The following TGM3 variants were observed in gnomAD, a reference collection of about 807,000 sequenced individuals.
TGM3 encodes transglutaminase 3, also known as protein-glutamine gamma-glutamyltransferase E.
Under a neutral mutation model 73.8 loss-of-function variants are expected in TGM3, and 52 were observed. The observed-to-expected ratio is 0.70, with a 90% CI of 0.56 to 0.89. TGM3 has a LOEUF of 0.89. TGM3 is among the 40% of genes least tolerant of loss of function. The pLI is 0.00. For synonymous variants in TGM3, 372 were observed against 354.9 expected, an observed-to-expected ratio of 1.05 and a Z score of -0.54; for missense variants, 928 against 909.9, an observed-to-expected ratio of 1.02 and a Z score of -0.26.
intron 1 of TGM3, among the ~76,000 whole-genome samples, chr20:2,308,852 G>A (rs1013269239): frequency 4.6e-5 from 7 of 151,210 alleles, no homozygotes; most frequent in Non-Finnish European, 1.0e-4. Flanking sequence ...CGGTGATGGG[G>A]GTGAGAGAGG....
chr20:2,340,023 C>CGGGGGGGGGG, intron 12 of TGM3, 36 bp downstream of exon 12: 2 of 120,860 alleles, frequency 1.7e-5, no homozygotes, highest in South Asian at 5.0e-5. Context: ...TGCAGGAGGG[C>CGGGGGGGGGG]GGGAGGGGGC....
Position 2,296,085 on chromosome 20 carries a change from T to A in TGM3, c.7+15T>A. 2 of 1,550,446 alleles carry A rather than the reference T, an allele frequency of 1.3e-6. No homozygotes were observed. The highest frequency in any genetic ancestry group is 2.4e-5 in the South Asian group (2 of 84,012). On this transcript the variant is annotated intron_variant, in intron 1 of 12. Transcript: ENST00000381458. ...AAACATGGCTGGTGAGTGCATGGCATCTTCTCCATCAGGTCCTTGCCAGAA... is the reference window on the plus strand; with the variant it reads ...AAACATGGCTGGTGAGTGCATGGCAACTTCTCCATCAGGTCCTTGCCAGAA...
In TGM3 at chr20:2,312,954, C is replaced by T; in HGVS notation, c.597C>T (p.Phe199=). The change falls in exon 5 of 13, where the codon TTC becomes TTT. Residue 199 remains phenylalanine (F), a synonymous_variant. Coordinates refer to ENST00000381458, the MANE Select transcript of TGM3 (RefSeq NM_003245.4). ...CLSILDRSLN[F]RRDAATDVAS... Reference sequence around the variant, plus strand: ...CAATCTTGGATAGGAGTCTGAATTTCCGCCGTGACGCTGCTACTGATGTGG... The same window carrying T: ...CAATCTTGGATAGGAGTCTGAATTTTCGCCGTGACGCTGCTACTGATGTGG... 6.2e-7 allele frequency: 1 copy of T among 1,614,178 alleles called. No homozygotes were observed. Among genetic ancestry groups the T allele is most frequent in the African/African-American group, 1.3e-5 (1 of 75,034 alleles).
intron 5 of TGM3, among the ~76,000 whole-genome samples, chr20:2,313,875 A>T (rs2084220064): frequency 6.6e-6 from 1 of 152,112 alleles, no homozygotes; most frequent in South Asian, 2.1e-4. Context: ...CAGAAATTAA[A>T]AAAAAACTAG....
intron 1 of TGM3, among the ~76,000 whole-genome samples, chr20:2,304,247 A>G (rs913435714): frequency 2.6e-5 from 4 of 152,082 alleles, no homozygotes; most frequent in Admixed American, 2.6e-4. Flanking sequence ...GGATCATTGG[A>G]TCCTTGAATT....
chr20:2,338,847 G>A (rs2084365015), intron 11 of TGM3, among the ~76,000 whole-genome samples: 1 of 152,258 alleles, frequency 6.6e-6, no homozygotes. Flanking sequence ...CCTTCTGGGA[G>A]GGAAGAGATG....
Position 2,325,935 on chromosome 20 carries a change from C to G in TGM3, c.1070C>G (p.Pro357Arg). 6.3e-7 allele frequency: 1 copy of G among 1,594,060 alleles called. No individual in the cohort carries two copies. The highest frequency in any genetic ancestry group is 8.6e-7 in the Non-Finnish European group (1 of 1,169,114). ...GGATGGCAGGTGTTGGATGCTACCC[C>G]GCAGGAAAGAAGCCAAGGTAACTTC... is the stretch of plus-strand genomic sequence containing the variant. ...YGGWQVLDAT[P>R]QERSQGVFQC... The change falls in exon 8 of 13, where the codon CCG (proline) becomes CGG (arginine). Residue 357 changes from proline (P) to arginine (R), a missense_variant. Transcript: ENST00000381458.
At chr20:2,319,060 T>G (rs547766219) in intron 7 of TGM3, among the ~76,000 whole-genome samples, 1 of 152,366 alleles carries the variant, frequency 6.6e-6, no homozygotes, top group South Asian at 2.1e-4. Flanking sequence ...TCTCTAATGA[T>G]ATTGCTTACT....
chr20:2,340,073 C>T (rs1250641801), intron 12 of TGM3, 86 bp downstream of exon 12: 1 of 1,479,580 alleles, frequency 6.8e-7, no homozygotes, highest in South Asian at 1.2e-5. Context: ...ACAGACAGAG[C>T]TCCCTCTGAC....
intron 11 of TGM3, among the ~76,000 whole-genome samples, chr20:2,338,571 A>G (rs1310589256): frequency 6.6e-6 from 1 of 152,238 alleles, no homozygotes; most frequent in East Asian, 1.9e-4. Context: ...TTGCAGACCT[A>G]TCAGAAACAG....
intron 1 of TGM3, among the ~76,000 whole-genome samples, chr20:2,296,976 G>A (rs970676700): frequency 1.3e-5 from 2 of 152,214 alleles, no homozygotes; most frequent in African/African-American, 2.4e-5. Context: ...GCAAATGCTG[G>A]CTACTTCAGA....
chr20:2,317,472 A>G lies in TGM3; in HGVS notation c.970A>G (p.Ser324Gly), dbSNP rs1402136232. The G allele has an allele frequency of 6.2e-7, 1 of 1,614,234 alleles. No homozygotes were observed. The highest frequency in any genetic ancestry group is 2.2e-5 in the East Asian group (1 of 44,882). ...CATGGGAAACCCCCTGGACAAGGGT[A>G]GTGATAGCGTATGGTAAGTATCTCA... ...DPMGNPLDKGSDSVWNFHVWN... is the reference protein window; with the variant it reads ...DPMGNPLDKGGDSVWNFHVWN... The change falls in exon 7 of 13, where the codon AGT becomes GGT. Residue 324 changes from serine (S) to glycine (G), a missense_variant. By Grantham distance (56) the Ser-to-Gly change is moderately conservative. Coordinates refer to ENST00000381458, the MANE Select transcript of TGM3 (RefSeq NM_003245.4).
chr20:2,318,486 A>G (rs755495582), intron 7 of TGM3, among the ~76,000 whole-genome samples: 5 of 152,240 alleles, frequency 3.3e-5, no homozygotes, highest in Non-Finnish European at 5.9e-5. Flanking sequence ...TAGATATTAT[A>G]TAGATAAAAA....
Position 2,309,836 on chromosome 20 carries a change from T to C in TGM3, c.181+6T>C, listed in dbSNP as rs2084193626. 1 of 1,613,958 alleles carries C rather than the reference T, an allele frequency of 6.2e-7. No individual in the cohort carries two copies. Among genetic ancestry groups the C allele is most frequent in the African/African-American group, 1.3e-5 (1 of 74,932 alleles). On this transcript the variant is annotated splice_donor_region_variant and intron_variant, in intron 2 of 12. Coordinates refer to ENST00000381458, the MANE Select transcript of TGM3 (RefSeq NM_003245.4). ...GGAGTTCATTGTCTCCACAGGTACC[T>C]GCTCATTCCCCTCCTTGCCCAAACA... is the stretch of plus-strand genomic sequence containing the variant.
At chr20:2,315,214 C>G (rs1282244279) in intron 5 of TGM3, among the ~76,000 whole-genome samples, 3 of 152,202 alleles carry the variant, frequency 2.0e-5, no homozygotes, top group Non-Finnish European at 4.4e-5. Flanking sequence ...ACCACTTTAT[C>G]GTGGAGCCAA....
intron 2 of TGM3, 101 bp from the exon 3 acceptor site, chr20:2,310,077 C>T (rs2084195079): frequency 6.5e-7 from 1 of 1,533,206 alleles, no homozygotes; most frequent in Non-Finnish European, 8.8e-7. Flanking sequence ...TATGGCGCTT[C>T]ATTGGCTCAT....
chr20:2,323,587 C>T (rs1401930274), intron 7 of TGM3, among the ~76,000 whole-genome samples: 3 of 152,208 alleles, frequency 2.0e-5, no homozygotes, highest in Non-Finnish European at 2.9e-5. Context: ...CTTACTGGCT[C>T]AGTGAGTATG....
At chr20:2,318,112 C>G (rs1275813870) in intron 7 of TGM3, among the ~76,000 whole-genome samples, 1 of 152,044 alleles carries the variant, frequency 6.6e-6, no homozygotes, top group African/African-American at 2.4e-5. Flanking sequence ...CTCAGGCTCC[C>G]AGGTTCAAGT....
intron 9 of TGM3, 33 bp from the exon 10 acceptor site, chr20:2,331,969 C>T (rs1244386666): frequency 1.3e-6 from 2 of 1,568,924 alleles, no homozygotes; most frequent in Middle Eastern, 1.7e-4. Context: ...CCATCACATC[C>T]CTGGCATGTT....
Sources: allele counts gnomAD v4.1 joint callset (sites outside exome capture counted in the v4.1 genomes callset), GRCh38; gene constraint gnomAD v4.1.1; transcripts MANE v1.5; gene names NCBI Gene and HGNC (gene_info 2026-07-23, HGNC 2026-07-21).